The following PACRG variants were observed in gnomAD, a reference collection of about 807,000 sequenced individuals.
The protein encoded by PACRG is parkin coregulated.
In PACRG, 29 loss-of-function variants were observed where a neutral mutation model predicts 29.7. That is an observed-to-expected ratio of 0.98 (90% CI 0.73 to 1.33). The LOEUF (loss-of-function observed/expected upper bound fraction) is 1.33. Ranked by LOEUF, PACRG falls within the 40% of genes most tolerant of loss-of-function variation. The pLI is 0.00. For synonymous variants in PACRG, 116 were observed against 118.7 expected (o/e 0.98, Z 0.15); for missense variants, 279 against 316.2 (o/e 0.88, Z 0.89).
intron 1 of PACRG, among the ~76,000 whole-genome samples, chr6:162,812,896 C>T (rs969493066): frequency 2.0e-5 from 3 of 151,942 alleles, no homozygotes; most frequent in African/African-American, 7.2e-5. Flanking sequence ...CCAATGCTGC[C>T]TCAATTACTC....
intron 2 of PACRG, among the ~76,000 whole-genome samples, chr6:163,024,062 C>G (rs1344398066): frequency 6.6e-6 from 1 of 152,152 alleles, no homozygotes; most frequent in Non-Finnish European, 1.5e-5. Flanking sequence ...TGCAAAATCT[C>G]TTTAGTTTAA....
chr6:162,903,360 A>G (rs1430160781), intron 2 of PACRG, among the ~76,000 whole-genome samples: 2 of 152,184 alleles, frequency 1.3e-5, no homozygotes, highest in Admixed American at 1.3e-4. Flanking sequence ...ATATTGGGGA[A>G]TGTATTAGTC....
intron 2 of PACRG, among the ~76,000 whole-genome samples, chr6:163,015,168 T>C (rs1322495486): frequency 6.6e-6 from 1 of 152,116 alleles, no homozygotes; most frequent in African/African-American, 2.4e-5. Context: ...AGGTGTGTGG[T>C]TTTATTTCTG....
At chr6:163,034,492 A>C (rs375423560) in intron 2 of PACRG, among the ~76,000 whole-genome samples, 1 of 151,968 alleles carries the variant, frequency 6.6e-6, no homozygotes, top group African/African-American at 2.4e-5. Context: ...AAGGTTGGTC[A>C]AGCATCCGTG....
At chr6:163,285,794 G>A (rs1784381967) in intron 4 of PACRG, among the ~76,000 whole-genome samples, 1 of 152,184 alleles carries the variant, frequency 6.6e-6, no homozygotes, top group Non-Finnish European at 1.5e-5. Context: ...ATTCCTCTCA[G>A]GTAGATGACA....
chr6:162,875,821 G>A (rs1489682022), intron 2 of PACRG, among the ~76,000 whole-genome samples: 2 of 152,180 alleles, frequency 1.3e-5, no homozygotes, highest in African/African-American at 4.8e-5. Flanking sequence ...TGTATTTCCA[G>A]GGAGGTCTTC....
At chr6:162,754,213 T>G (rs1028079044) in intron 1 of PACRG, among the ~76,000 whole-genome samples, 1 of 152,240 alleles carries the variant, frequency 6.6e-6, no homozygotes, top group Non-Finnish European at 1.5e-5. Flanking sequence ...TTGTTTTTAA[T>G]ATGCATTTTC....
intron 4 of PACRG, among the ~76,000 whole-genome samples, chr6:163,287,783 G>C (rs913959464): frequency 3.3e-5 from 5 of 152,192 alleles, no homozygotes; most frequent in African/African-American, 1.2e-4. Context: ...TACATGTGTT[G>C]CTCTGAGTGT....
At chr6:163,004,726 GTA>G (rs1554333004) in intron 2 of PACRG, among the ~76,000 whole-genome samples, 108 of 136,034 alleles carry the variant, frequency 7.9e-4, no homozygotes, top group Non-Finnish European at 1.3e-3. Flanking sequence ...GTGTGTGTGT[GTA>G]TATATATATA....
chr6:162,879,187 A>G (rs1793622795), intron 2 of PACRG, among the ~76,000 whole-genome samples: 1 of 152,134 alleles, frequency 6.6e-6, no homozygotes, highest in African/African-American at 2.4e-5. Context: ...TATAAAATCC[A>G]TACTTTATTG....
chr6:162,971,464 A>G (rs190786859), intron 2 of PACRG, among the ~76,000 whole-genome samples: 3 of 152,302 alleles, frequency 2.0e-5, no homozygotes. Context: ...ACACCTTGGG[A>G]GGAAACCAGT....
intron 2 of PACRG, among the ~76,000 whole-genome samples, chr6:162,838,749 C>A (rs1005477300): frequency 1.6e-5 from 2 of 121,238 alleles, no homozygotes; most frequent in African/African-American, 3.1e-5. Flanking sequence ...CCCCTCCCCC[C>A]ACCCCACCAC....
intron 1 of PACRG, among the ~76,000 whole-genome samples, chr6:162,762,841 A>G (rs936743471): frequency 2.6e-5 from 4 of 152,202 alleles, no homozygotes; most frequent in African/African-American, 9.7e-5. Flanking sequence ...TTGTTTTACA[A>G]CAAAGTATAA....
intron 1 of PACRG, among the ~76,000 whole-genome samples, chr6:162,791,317 T>TG (rs1784927351): frequency 6.6e-6 from 1 of 151,266 alleles, no homozygotes; most frequent in African/African-American, 2.4e-5. Context: ...GTTTGTTTTT[T>TG]TTTTTTTTGC....
At chr6:162,790,528 A>ATG (rs1784847833) in intron 1 of PACRG, among the ~76,000 whole-genome samples, 1 of 152,122 alleles carries the variant, frequency 6.6e-6, no homozygotes, top group Non-Finnish European at 1.5e-5. Flanking sequence ...ATATATATAT[A>ATG]TATTGCTTAG....
chr6:162,873,768 C>T (rs999625382), intron 2 of PACRG, among the ~76,000 whole-genome samples: 2 of 152,152 alleles, frequency 1.3e-5, no homozygotes, highest in African/African-American at 4.8e-5. Context: ...CAGTGACTCA[C>T]ATCTTATCAT....
chr6:163,137,318 A>C (rs1000789101), intron 4 of PACRG, among the ~76,000 whole-genome samples: 1 of 151,560 alleles, frequency 6.6e-6, no homozygotes, highest in Non-Finnish European at 1.5e-5. Context: ...ACCATACTAG[A>C]TTTTCCCTTT....
At chr6:162,929,849 T>C (rs1428639666) in intron 2 of PACRG, among the ~76,000 whole-genome samples, 1 of 152,022 alleles carries the variant, frequency 6.6e-6, no homozygotes, top group African/African-American at 2.4e-5. Flanking sequence ...CTTTTCCCAT[T>C]GTATGTTCTT....
At chr6:163,114,981 T>C (rs895757231) in intron 4 of PACRG, among the ~76,000 whole-genome samples, 1 of 152,182 alleles carries the variant, frequency 6.6e-6, no homozygotes, top group African/African-American at 2.4e-5. Context: ...GTATATACAA[T>C]TTTTATTTGT....
Sources: allele counts gnomAD v4.1 joint callset (sites outside exome capture counted in the v4.1 genomes callset), GRCh38; gene constraint gnomAD v4.1.1; transcripts MANE v1.5; gene names NCBI Gene and HGNC (gene_info 2026-07-23, HGNC 2026-07-21).